HMCN1: variants seen among roughly 807,000 people sequenced by gnomAD.
HMCN1 encodes hemicentin-1.
Under a neutral mutation model 625.9 loss-of-function variants are expected in HMCN1, and 321 were observed. That is an observed-to-expected ratio of 0.51 (90% CI 0.47 to 0.56). HMCN1 has a LOEUF of 0.56. HMCN1 is among the 20% of genes least tolerant of loss of function. HMCN1 has a pLI of 0.00. For missense variants in HMCN1, 6,588 were observed against 6,887.3 expected, an observed-to-expected ratio of 0.96 and a Z score of 1.54; for synonymous variants, 2,425 against 2,417.6, an observed-to-expected ratio of 1.00 and a Z score of -0.09.
intron 33 of HMCN1, among the ~76,000 whole-genome samples, chr1:186,017,795 T>A (rs1460970564): frequency 3.3e-5 from 5 of 152,150 alleles, no homozygotes; most frequent in South Asian, 4.1e-4. Context: ...TTAATTTTTT[T>A]GGTACATAGT....
At chr1:186,181,075 G>T (rs1652897858) in intron 104 of HMCN1, among the ~76,000 whole-genome samples, 1 of 152,138 alleles carries the variant, frequency 6.6e-6, no homozygotes, top group Non-Finnish European at 1.5e-5. Flanking sequence ...ATCACACTTG[G>T]GGGTAGTGTA....
At chr1:186,141,299 T>G (rs188353033) in intron 89 of HMCN1, among the ~76,000 whole-genome samples, 1 of 152,002 alleles carries the variant, frequency 6.6e-6, no homozygotes, top group African/African-American at 2.4e-5. Context: ...CCCTGGTTTA[T>G]CATACACTGT....
At chr1:186,148,504 A>G (rs1558260191) in intron 93 of HMCN1, among the ~76,000 whole-genome samples, 1 of 151,892 alleles carries the variant, frequency 6.6e-6, no homozygotes, top group African/African-American at 2.4e-5. Flanking sequence ...CTTAGAAAAT[A>G]TTTCTTTCTG....
chr1:185,972,019 G>A (rs574207346), intron 15 of HMCN1, among the ~76,000 whole-genome samples: 1 of 152,272 alleles, frequency 6.6e-6, no homozygotes, highest in African/African-American at 2.4e-5. Context: ...TTTTAGACAT[G>A]TAAGGCCCAA....
intron 4 of HMCN1, among the ~76,000 whole-genome samples, chr1:185,866,918 A>G (rs1177622373): frequency 6.6e-6 from 1 of 151,738 alleles, no homozygotes; most frequent in Non-Finnish European, 1.5e-5. Context: ...GGTTTGTTAC[A>G]TAGGTAAACG....
At chr1:186,112,321 A>G (rs1660927301) in intron 71 of HMCN1, among the ~76,000 whole-genome samples, 1 of 152,248 alleles carries the variant, frequency 6.6e-6, no homozygotes, top group Non-Finnish European at 1.5e-5. Context: ...AAGGAAATTT[A>G]TTGGCTACAA....
intron 1 of HMCN1, among the ~76,000 whole-genome samples, chr1:185,747,550 C>T (rs769625666): frequency 7.9e-5 from 12 of 152,150 alleles, no homozygotes; most frequent in Non-Finnish European, 1.5e-4. Flanking sequence ...GAACTCCTGA[C>T]CTCAAGTGAT....
chr1:186,063,213 T>A (rs1213560024), intron 48 of HMCN1, among the ~76,000 whole-genome samples: 1 of 150,728 alleles, frequency 6.6e-6, no homozygotes, highest in African/African-American at 2.4e-5. Context: ...CTTTTTGTTA[T>A]GACTTATTTT....
chr1:185,881,561 A>C lies in HMCN1; in HGVS notation c.621+15698A>C, dbSNP rs183732855. Among the ~76,000 whole-genome samples the C allele has an allele frequency of 1.8e-3, 278 of 152,308 alleles. 1 individual carries two copies. Among genetic ancestry groups the C allele is most frequent in the African/African-American group, 6.4e-3 (268 of 41,562 alleles). ...TAGGAAAGGACAACATTCCAGTGGG[A>C]AAACAGGGATATAAGTTCTCACTTT... is the stretch of plus-strand genomic sequence containing the variant. On this transcript the variant is annotated intron_variant, in intron 4 of 106. Coordinates refer to ENST00000271588, the MANE Select transcript of HMCN1 (RefSeq NM_031935.3).
chr1:186,039,636 C>A, intron 38 of HMCN1, 92 bp from the exon 39 acceptor site: 1 of 1,346,888 alleles, frequency 7.4e-7, no homozygotes, highest in Non-Finnish European at 1.1e-6. Flanking sequence ...CCAATAAGAA[C>A]ATAATATTGT....
intron 52 of HMCN1, among the ~76,000 whole-genome samples, chr1:186,073,485 T>A (rs772871753): frequency 1.3e-5 from 2 of 152,104 alleles, no homozygotes; most frequent in Non-Finnish European, 2.9e-5. Context: ...TTTTTGTTTT[T>A]TTAGGCTGAA....
chr1:185,767,259 A>G (rs1013850466), intron 1 of HMCN1, among the ~76,000 whole-genome samples: 6 of 152,162 alleles, frequency 3.9e-5, no homozygotes, highest in Non-Finnish European at 8.8e-5. Flanking sequence ...TCCGCATCCA[A>G]CTGAGAGATT....
intron 105 of HMCN1, among the ~76,000 whole-genome samples, chr1:186,185,520 C>G (rs1343631217): frequency 6.6e-6 from 1 of 152,192 alleles, no homozygotes; most frequent in African/African-American, 2.4e-5. Flanking sequence ...TGTAGGAAAG[C>G]TAATCCTAGT....
At chr1:185,837,836 C>T (rs1661261899) in intron 1 of HMCN1, among the ~76,000 whole-genome samples, 9 of 152,114 alleles carry the variant, frequency 5.9e-5, no homozygotes, top group Admixed American at 5.9e-4. Flanking sequence ...CTGTAGGCAC[C>T]ATCTGGGATC....
At chr1:186,054,678 T>A (rs1657197969) in intron 44 of HMCN1, among the ~76,000 whole-genome samples, 1 of 152,062 alleles carries the variant, frequency 6.6e-6, no homozygotes, top group African/African-American at 2.4e-5. Flanking sequence ...TCTCACATAA[T>A]GAGAAAGCAG....
intron 4 of HMCN1, among the ~76,000 whole-genome samples, chr1:185,888,111 G>A (rs904678980): frequency 1.9e-4 from 25 of 130,992 alleles, no homozygotes; most frequent in African/African-American, 7.5e-4. Flanking sequence ...GTCTTCTTTT[G>A]AGAAGTGTCT....
chr1:186,186,374 A>G (rs1305280423), intron 105 of HMCN1, among the ~76,000 whole-genome samples: 2 of 152,092 alleles, frequency 1.3e-5, no homozygotes, highest in African/African-American at 4.8e-5. Context: ...TAAAAATACA[A>G]AAATTAGCCA....
At chr1:185,762,332 C>T (rs1344157176) in intron 1 of HMCN1, among the ~76,000 whole-genome samples, 1 of 152,154 alleles carries the variant, frequency 6.6e-6, no homozygotes, top group Non-Finnish European at 1.5e-5. Flanking sequence ...TCTTGTAGAA[C>T]TTTCATTTAC....
intron 64 of HMCN1, among the ~76,000 whole-genome samples, chr1:186,091,929 A>G (rs1416995675): frequency 6.6e-6 from 1 of 151,914 alleles, no homozygotes; most frequent in African/African-American, 2.4e-5. Context: ...TTTAAGTTTT[A>G]TTTCTCTGGT....
Sources: allele counts gnomAD v4.1 joint callset (sites outside exome capture counted in the v4.1 genomes callset), GRCh38; gene constraint gnomAD v4.1.1; transcripts MANE v1.5; gene names NCBI Gene and HGNC (gene_info 2026-07-23, HGNC 2026-07-21).